The following SOBP variants were observed in gnomAD, a reference collection of about 807,000 sequenced individuals.
SOBP encodes the protein sine oculis binding protein homolog, also known as sine oculis-binding protein homolog.
In SOBP, 4 loss-of-function variants were observed where a neutral mutation model predicts 53.6. The observed-to-expected ratio is 0.07, with a 90% CI of 0.04 to 0.17. The LOEUF is 0.17. Ranked by LOEUF, SOBP falls within the 10% of genes least tolerant of loss-of-function variation. SOBP has a pLI of 1.00. For missense variants in SOBP, 1,088 were observed against 1,204.7 expected (o/e 0.90, Z 1.43); for synonymous variants, 584 against 522.6 (o/e 1.12, Z -1.60).
intron 4 of SOBP, among the ~76,000 whole-genome samples, chr6:107,580,667 G>A (rs985761214): frequency 2.6e-5 from 4 of 152,200 alleles, no homozygotes. Flanking sequence ...ATGAGAATTT[G>A]TTGGGCAAAG....
intron 5 of SOBP, among the ~76,000 whole-genome samples, chr6:107,630,358 T>C (rs552463548): frequency 6.6e-6 from 1 of 152,260 alleles, no homozygotes; most frequent in South Asian, 2.1e-4. Context: ...GAGACACACA[T>C]TGTGTTTTCC....
In SOBP at chr6:107,527,755, C is replaced by T. The variant is rs367937893; in HGVS notation, c.422-5704C>T. ...CACACTGTCTTTCAAATAGTAGCAA[C>T]TTAGATTTGCAAAGCAATGTACATC... On this transcript the variant is annotated intron_variant, in intron 3 of 6. Transcript: ENST00000317357. 1.2e-4 allele frequency among the ~76,000 whole-genome samples: 19 copies of T among 152,306 alleles called. No homozygotes were observed. The East Asian group carries it at 2.1e-3, about 17-fold the overall frequency.
intron 4 of SOBP, among the ~76,000 whole-genome samples, chr6:107,557,438 TA>T (rs1784646286): frequency 6.6e-6 from 1 of 152,218 alleles, no homozygotes; most frequent in South Asian, 2.1e-4. Flanking sequence ...CCGAAACTAT[TA>T]AAAATTATGG....
intron 4 of SOBP, among the ~76,000 whole-genome samples, chr6:107,578,552 C>G (rs974947533): frequency 6.6e-6 from 1 of 152,032 alleles, no homozygotes; most frequent in African/African-American, 2.4e-5. Context: ...TCTCTGTGCC[C>G]CAGCTTCTTC....
intron 5 of SOBP, among the ~76,000 whole-genome samples, chr6:107,590,106 C>T (rs1448415890): frequency 1.3e-5 from 2 of 152,134 alleles, no homozygotes; most frequent in African/African-American, 4.8e-5. Flanking sequence ...TTCAAATGCT[C>T]GTATCTCTGG....
intron 5 of SOBP, among the ~76,000 whole-genome samples, chr6:107,621,451 T>G (rs1435636276): frequency 6.6e-6 from 1 of 152,036 alleles, no homozygotes; most frequent in South Asian, 2.1e-4. Context: ...GGAAATAAGC[T>G]TTTCAGAGAC....
intron 3 of SOBP, among the ~76,000 whole-genome samples, chr6:107,508,534 A>G (rs556992574): frequency 3.3e-5 from 5 of 152,134 alleles, no homozygotes; most frequent in African/African-American, 1.2e-4. Flanking sequence ...AGCTGAGATC[A>G]TGCTACTGCA....
intron 3 of SOBP, among the ~76,000 whole-genome samples, chr6:107,518,495 A>G (rs149690158): frequency 3.9e-3 from 598 of 152,244 alleles, no homozygotes; most frequent in Non-Finnish European, 7.0e-3. Context: ...GTTCTTGAAA[A>G]TGTATAATGC....
intron 5 of SOBP, among the ~76,000 whole-genome samples, chr6:107,594,339 A>G (rs1325315336): frequency 6.6e-6 from 1 of 152,196 alleles, no homozygotes; most frequent in Non-Finnish European, 1.5e-5. Flanking sequence ...TTTCCAGTAC[A>G]TCATAGACTA....
At chr6:107,655,885 T>C (rs907101363) in intron 6 of SOBP, among the ~76,000 whole-genome samples, 9 of 152,232 alleles carry the variant, frequency 5.9e-5, no homozygotes, top group Non-Finnish European at 1.2e-4. Flanking sequence ...TAAATAGTGA[T>C]TGCATTAAAG....
intron 4 of SOBP, among the ~76,000 whole-genome samples, chr6:107,586,007 G>A (rs189116361): frequency 9.9e-4 from 151 of 152,240 alleles, no homozygotes; most frequent in Admixed American, 1.8e-3. Flanking sequence ...TTCCCTTGGT[G>A]CCAGACATAC....
intron 4 of SOBP, among the ~76,000 whole-genome samples, chr6:107,585,215 G>A (rs1257999889): frequency 1.3e-5 from 2 of 152,158 alleles, no homozygotes; most frequent in East Asian, 3.8e-4. Context: ...TAAAAGTAAG[G>A]CACTGGGCAT....
At chr6:107,505,194 A>G (rs1335795629) in intron 2 of SOBP, among the ~76,000 whole-genome samples, 3 of 152,220 alleles carry the variant, frequency 2.0e-5, no homozygotes, top group African/African-American at 4.8e-5. Context: ...CAAGTTTATA[A>G]TACAGTGGGA....
intron 5 of SOBP, among the ~76,000 whole-genome samples, chr6:107,604,445 C>T (rs2818258): frequency 0.41 from 61,953 of 151,852 alleles, 14,741 homozygotes; most frequent in East Asian, 0.7. Context: ...GATATAATTT[C>T]GTTTCACTGC....
At position 107,498,929 on chromosome 6, in the gene SOBP, G is replaced by A. The variant is rs550655490; in HGVS notation, c.97-4728G>A. ...GTAGTAGAAGTACAAAGCAATTAGA[G>A]TCAGATGTAGTATCAAAACATTGTG... On this transcript the variant is annotated intron_variant, in intron 1 of 6. Transcript: ENST00000317357. 3.9e-5 allele frequency among the ~76,000 whole-genome samples: 6 copies of A among 152,286 alleles called. No homozygotes were observed. The South Asian group carries it at 6.2e-4, about 16-fold the overall frequency.
intron 1 of SOBP, among the ~76,000 whole-genome samples, chr6:107,500,638 C>T (rs1279281560): frequency 6.6e-6 from 1 of 151,774 alleles, no homozygotes; most frequent in East Asian, 2.0e-4. Flanking sequence ...TCTCCTGCCT[C>T]AGCCTCCCAA....
chr6:107,574,483 C>G (rs1467817254), intron 4 of SOBP, among the ~76,000 whole-genome samples: 3 of 152,088 alleles, frequency 2.0e-5, no homozygotes, highest in Non-Finnish European at 4.4e-5. Flanking sequence ...TATGGGATCA[C>G]TAAAGATCCC....
At chr6:107,630,750 GTCTCTCTCTCTCTC>G (rs60388300) in intron 5 of SOBP, among the ~76,000 whole-genome samples, 1,551 of 148,662 alleles carry the variant, frequency 0.01, 26 homozygotes, top group African/African-American at 0.036. Flanking sequence ...CACACACTCT[GTCTCTCTCTCTCTC>G]TCTCTCTCTC....
chr6:107,557,407 C>T (rs1478183156), intron 4 of SOBP, among the ~76,000 whole-genome samples: 2 of 152,146 alleles, frequency 1.3e-5, no homozygotes, highest in African/African-American at 4.8e-5. Context: ...TTTGTTTTTG[C>T]TGTCTGTATA....
Sources: allele counts gnomAD v4.1 joint callset (sites outside exome capture counted in the v4.1 genomes callset), GRCh38; gene constraint gnomAD v4.1.1; transcripts MANE v1.5; gene names NCBI Gene and HGNC (gene_info 2026-07-23, HGNC 2026-07-21).